The following PRRC2C variants were observed in gnomAD, a reference collection of about 807,000 sequenced individuals.
PRRC2C encodes protein PRRC2C.
PRRC2C carries 72 observed loss-of-function variants against 317.2 expected under a neutral mutation model. That is an observed-to-expected ratio of 0.23 (90% CI 0.19 to 0.28). PRRC2C has a LOEUF of 0.28. PRRC2C is among the 10% of genes least tolerant of loss of function. The pLI, the probability that PRRC2C is intolerant of heterozygous loss-of-function variation, is 1.00. For missense variants in PRRC2C, 3,074 were observed against 3,459.7 expected, an observed-to-expected ratio of 0.89 and a Z score of 2.80; for synonymous variants, 1,296 against 1,205.9, an observed-to-expected ratio of 1.07 and a Z score of -1.55.
Position 171,524,920 on chromosome 1 carries a change from A to AGGT in PRRC2C, c.1155_1156insGGT (p.Pro385_Ser386insGly). On this transcript the variant is annotated inframe_insertion, in exon 10 of 35. Transcript: ENST00000647382. The stretch of plus-strand genomic sequence containing the variant: ...CATCTTCCCAAATACCTGCCCAACC[A>AGGT]TCAGTAGCAAAAGTTCCCTATGGGA... The AGGT allele has an allele frequency of 1.2e-6, 2 of 1,611,446 alleles. No individual in the cohort carries two copies. The highest frequency in any genetic ancestry group is 1.7e-6 in the Non-Finnish European group (2 of 1,178,552).
At chr1:171,495,071 T>C (rs1667882554) in intron 1 of PRRC2C, among the ~76,000 whole-genome samples, 1 of 152,356 alleles carries the variant, frequency 6.6e-6, no homozygotes, top group African/African-American at 2.4e-5. Context: ...TCCTTTGCAT[T>C]CAGTCGTTTG....
At chr1:171,550,615 C>G (rs1680025067) in intron 18 of PRRC2C, among the ~76,000 whole-genome samples, 1 of 131,580 alleles carries the variant, frequency 7.6e-6, no homozygotes, top group Non-Finnish European at 1.6e-5. Context: ...TATCCCTCCC[C>G]CCTCCCCCCA....
intron 20 of PRRC2C, 142 bp downstream of exon 20, chr1:171,561,245 C>T: frequency 1.3e-6 from 1 of 784,858 alleles, no homozygotes; most frequent in Middle Eastern, 2.4e-4. Context: ...GCCTGGGCAA[C>T]ATAGTGAGAC....
intron 11 of PRRC2C, among the ~76,000 whole-genome samples, chr1:171,528,461 TG>T (rs1454621621): frequency 6.6e-6 from 1 of 151,826 alleles, no homozygotes; most frequent in Non-Finnish European, 1.5e-5. Flanking sequence ...GCTAATTTTT[TG>T]TGTTTTTTTT....
At chr1:171,553,673 G>A (rs900773264) in intron 18 of PRRC2C, among the ~76,000 whole-genome samples, 1 of 152,114 alleles carries the variant, frequency 6.6e-6, no homozygotes, top group Non-Finnish European at 1.5e-5. Context: ...TTGTGTCTTT[G>A]TTCTCTTTGG....
intron 10 of PRRC2C, among the ~76,000 whole-genome samples, chr1:171,527,126 ATCTTT>A (rs1457184159): frequency 6.8e-6 from 1 of 147,610 alleles, no homozygotes; most frequent in Non-Finnish European, 1.5e-5. Flanking sequence ...TAATAGATAT[ATCTTT>A]TCTTTTTCTT....
At chr1:171,503,369 C>G (rs1041810725) in intron 1 of PRRC2C, among the ~76,000 whole-genome samples, 1 of 151,952 alleles carries the variant, frequency 6.6e-6, no homozygotes, top group Non-Finnish European at 1.5e-5. Context: ...ACTAAAAGTA[C>G]AAAAATTAGC....
intron 5 of PRRC2C, among the ~76,000 whole-genome samples, chr1:171,516,419 T>G (rs918971577): frequency 1.3e-5 from 2 of 152,220 alleles, no homozygotes; most frequent in African/African-American, 4.8e-5. Flanking sequence ...GGTTCGTCTA[T>G]GACAGAAGTG....
chr1:171,519,439 T>C (rs1227326448), intron 6 of PRRC2C, among the ~76,000 whole-genome samples: 2 of 152,230 alleles, frequency 1.3e-5, no homozygotes, highest in Admixed American at 6.5e-5. Flanking sequence ...TATAGATATT[T>C]CTATCTCCTG....
At chr1:171,488,583 C>T (rs1363065040) in intron 1 of PRRC2C, among the ~76,000 whole-genome samples, 1 of 152,164 alleles carries the variant, frequency 6.6e-6, no homozygotes, top group Non-Finnish European at 1.5e-5. Context: ...CTGCCTCAGC[C>T]TCCCAGGTAG....
At chr1:171,567,843 C>T (rs538016924) in intron 22 of PRRC2C, among the ~76,000 whole-genome samples, 1 of 152,180 alleles carries the variant, frequency 6.6e-6, no homozygotes, top group Non-Finnish European at 1.5e-5. Flanking sequence ...CTGCTCTCTT[C>T]CCCTGCTTTC....
chr1:171,548,831 A>C (rs1679651636), intron 17 of PRRC2C, among the ~76,000 whole-genome samples: 1 of 152,156 alleles, frequency 6.6e-6, no homozygotes, highest in Non-Finnish European at 1.5e-5. Context: ...CACAGCTTAC[A>C]CATTTATTTT....
At chr1:171,591,371 T>TG (rs1475029591) in intron 34 of PRRC2C, 1 of 527,622 alleles carries the variant, frequency 1.9e-6, no homozygotes, top group Non-Finnish European at 2.7e-6. Flanking sequence ...GGTGGTCCTG[T>TG]GGTTTTTTTT....
intron 6 of PRRC2C, among the ~76,000 whole-genome samples, chr1:171,520,513 AG>A (rs1376057701): frequency 6.6e-6 from 1 of 152,182 alleles, no homozygotes; most frequent in Non-Finnish European, 1.5e-5. Context: ...CTGTATACTG[AG>A]AATTTAAAAT....
chr1:171,505,490 T>C (rs1475784291), intron 1 of PRRC2C, among the ~76,000 whole-genome samples: 1 of 152,232 alleles, frequency 6.6e-6, no homozygotes, highest in Non-Finnish European at 1.5e-5. Flanking sequence ...TTTCTACATA[T>C]GTGATCATAT....
At chr1:171,526,026 T>G (rs1279601500) in intron 10 of PRRC2C, among the ~76,000 whole-genome samples, 1 of 152,186 alleles carries the variant, frequency 6.6e-6, no homozygotes, top group Non-Finnish European at 1.5e-5. Flanking sequence ...TAATAACTTT[T>G]TTGTGTGACT....
chr1:171,589,310 T>TG, intron 33 of PRRC2C, 59 bp from the exon 34 acceptor site: 1 of 214,766 alleles, frequency 4.7e-6, no homozygotes, highest in Middle Eastern at 1.1e-3. Flanking sequence ...AGTTGGCAGT[T>TG]TTTTTTTTTT....
At chr1:171,528,628 C>CA (rs1363404174) in intron 11 of PRRC2C, among the ~76,000 whole-genome samples, 2 of 152,120 alleles carry the variant, frequency 1.3e-5, no homozygotes, top group Non-Finnish European at 2.9e-5. Flanking sequence ...TACTTACCGT[C>CA]TTTTGCTGCT....
intron 9 of PRRC2C, among the ~76,000 whole-genome samples, chr1:171,524,225 G>A (rs1674139138): frequency 6.6e-6 from 1 of 152,044 alleles, no homozygotes; most frequent in Admixed American, 6.6e-5. Context: ...ACTGCATTAG[G>A]GCCTTGGAAA....
Sources: allele counts gnomAD v4.1 joint callset (sites outside exome capture counted in the v4.1 genomes callset), GRCh38; gene constraint gnomAD v4.1.1; transcripts MANE v1.5; gene names NCBI Gene and HGNC (gene_info 2026-07-23, HGNC 2026-07-21).